COL8A2: variants seen among roughly 807,000 people sequenced by gnomAD.
The protein encoded by COL8A2 is collagen alpha-2(VIII) chain.
COL8A2 carries 16 observed loss-of-function variants against 24.0 expected under a neutral mutation model. The observed-to-expected ratio is 0.67, with a 90% CI of 0.45 to 1.01. The LOEUF (loss-of-function observed/expected upper bound fraction) is 1.01. COL8A2 is among the 50% of genes least tolerant of loss of function. The probability of loss-of-function intolerance (pLI) is 0.00; values close to 1 mark genes in which losing one functional copy is unlikely to be tolerated. For missense variants in COL8A2, 818 were observed against 942.4 expected, an observed-to-expected ratio of 0.87 and a Z score of 1.73; for synonymous variants, 466 against 424.5, an observed-to-expected ratio of 1.10 and a Z score of -1.20.
chr1:36,101,957 T>C (rs1643684079), intron 2 of COL8A2, among the ~76,000 whole-genome samples: 1 of 151,834 alleles, frequency 6.6e-6, no homozygotes, highest in African/African-American at 2.4e-5. Flanking sequence ...GGTGGGTGAA[T>C]TGTCTGAGCC....
chr1:36,098,352 G>A lies in COL8A2; in HGVS notation c.1329C>T (p.Ala443=). Residue 443 remains alanine, a synonymous_variant, in exon 4 of 4, where the codon GCC becomes GCT. Transcript: ENST00000397799. ...GCCCCAAGTCACCTTTCTGCCCCAG[G>A]GCTCCTGCCACCCCTGGTCCTCCAG... ...GRPGGPGVAG[A]LGQKGDLGLP... The A allele has an allele frequency of 6.4e-7, 1 of 1,551,362 alleles. No individual in the cohort carries two copies. The highest frequency in any genetic ancestry group is 1.2e-5 in the South Asian group (1 of 84,208).
chr1:36,111,704 C>A (rs1272822311), intron 2 of COL8A2, among the ~76,000 whole-genome samples: 2 of 152,134 alleles, frequency 1.3e-5, no homozygotes, highest in Non-Finnish European at 2.9e-5. Context: ...GTGTAAGCCA[C>A]CACGCTGGAC....
In COL8A2 at chr1:36,125,099, C is replaced by A. The variant is rs1169854603; in HGVS notation, c.-104G>T. ...GGGCGCCGCTCCCGGCCCTCGAGGG[C>A]GGCCCGGGCGGCGAGGGCTCCGGGC... On this transcript the variant is annotated 5_prime_UTR_variant, in exon 1 of 4. Coordinates refer to ENST00000397799, the MANE Select transcript of COL8A2 (RefSeq NM_005202.4). The surrounding 1 kb of genome is among the most constrained non-coding windows in gnomAD (Gnocchi z 4.5). The A allele has an allele frequency of 3.1e-6, 3 of 974,688 alleles. No individual in the cohort carries two copies. Among genetic ancestry groups the A allele is most frequent in the African/African-American group, 3.5e-5 (2 of 56,576 alleles). 60.4% of individuals were successfully genotyped at this position (974,688 alleles called of 1,614,324 possible).
chr1:36,099,385 T>C lies in COL8A2; in HGVS notation c.296A>G (p.Lys99Arg), dbSNP rs1370177080. 6.4e-7 allele frequency: 1 copy of C among 1,560,810 alleles called. No homozygotes were observed. The highest frequency in any genetic ancestry group is 2.3e-5 in the East Asian group (1 of 42,916). Reference protein sequence around the residue: ...GPPGPPGFPGKPGMGKPGLHG... With the variant: ...GPPGPPGFPGRPGMGKPGLHG... ...GAGTCCTGGCTTTCCCATGCCTGGT[T>C]TTCCTGGGAAGCCAGGGGGGCCAGG... The change falls in exon 4 of 4, where the codon AAA becomes AGA. Residue 99 changes from lysine to arginine, a missense_variant. Physicochemically the swap from Lys to Arg is conservative, Grantham distance 26. This residue lies in a region of COL8A2 where 573 missense variants were observed against 616.8 expected (regional missense o/e 0.93). Coordinates refer to ENST00000397799, the MANE Select transcript of COL8A2 (RefSeq NM_005202.4).
intron 2 of COL8A2, among the ~76,000 whole-genome samples, chr1:36,107,961 G>A (rs564138316): frequency 4.6e-5 from 7 of 151,998 alleles, no homozygotes; most frequent in South Asian, 2.1e-4. Context: ...GTTTCCCCCC[G>A]TAGCTCTCCA....
In COL8A2 at chr1:36,098,058, G is replaced by A. The variant is rs371983864; in HGVS notation, c.1623C>T (p.Ile541=). 8.5e-5 allele frequency: 134 copies of A among 1,581,196 alleles called. No homozygotes were observed. The highest frequency in any genetic ancestry group is 1.1e-4 in the Non-Finnish European group (129 of 1,167,768). ...GAPGAFDETG[I]AGLHLPNGGV... ...CGCCGTTGGGCAGGTGCAAGCCTGC[G>A]ATGCCAGTCTCATCGAAGGCCCCAG... Residue 541 remains isoleucine, a synonymous_variant, in exon 4 of 4, where the codon ATC becomes ATT. Transcript: ENST00000397799.
chr1:36,105,657 G>A (rs375380694), intron 2 of COL8A2, among the ~76,000 whole-genome samples: 1 of 152,186 alleles, frequency 6.6e-6, no homozygotes, highest in East Asian at 1.9e-4. Flanking sequence ...TTTTAGAGAT[G>A]AGGAAACTGG....
In COL8A2 at chr1:36,100,269, G is replaced by T; in HGVS notation, c.-16-11C>A. 1 of 1,540,286 alleles carries T rather than the reference G, an allele frequency of 6.5e-7. No individual in the cohort carries two copies. The highest frequency in any genetic ancestry group is 8.7e-7 in the Non-Finnish European group (1 of 1,147,262). The stretch of plus-strand genomic sequence containing the variant: ...GCGTCCGTGGACGTGCTGCAAAGAA[G>T]AACAGAGAAAGTCATCAAGCCAGCC... On this transcript the variant is annotated splice_polypyrimidine_tract_variant and intron_variant, in intron 2 of 3. Transcript: ENST00000397799.
chr1:36,114,722 A>C (rs555630230), intron 2 of COL8A2, among the ~76,000 whole-genome samples: 5 of 151,780 alleles, frequency 3.3e-5, no homozygotes, highest in Admixed American at 3.3e-4. Flanking sequence ...GGCACAGGGC[A>C]TGTGCTCGAT....
In COL8A2 at chr1:36,113,478, A is replaced by G. The variant is rs137925079; in HGVS notation, c.-17+2230T>C. 1.9e-3 allele frequency among the ~76,000 whole-genome samples: 292 copies of G among 152,330 alleles called. 3 individuals are homozygous for G. The highest frequency in any genetic ancestry group is 6.7e-3 in the African/African-American group (277 of 41,574). On this transcript the variant is annotated intron_variant, in intron 2 of 3. Transcript: ENST00000397799. ...GTCCACACCTGCTCCTGTTAACGTC[A>G]GGTCTGGGTCTGACTTCCCTGGACA...
Position 36,097,908 on chromosome 1 carries a change from G to A in COL8A2, c.1773C>T (p.Pro591=), listed in dbSNP as rs772560697. The change falls in exon 4 of 4, where the codon CCC becomes CCT. Residue 591 remains proline (P), a synonymous_variant. Transcript: ENST00000397799. ...LTSPFPASGM[P]VKFDRTLYNG... is the part of the protein sequence containing the mutation. ...TGTAGAGAGTCCGGTCAAATTTCACGGGCATGCCCGAGGCGGGGAAGGGCG... is the reference window on the plus strand; with the variant it reads ...TGTAGAGAGTCCGGTCAAATTTCACAGGCATGCCCGAGGCGGGGAAGGGCG... The A allele has an allele frequency of 8.1e-6, 13 of 1,611,990 alleles. No individual in the cohort carries two copies. The highest frequency in any genetic ancestry group is 6.7e-5 in the Admixed American group (4 of 60,000).
intron 1 of COL8A2, among the ~76,000 whole-genome samples, chr1:36,118,168 C>A (rs1419944023): frequency 1.3e-5 from 2 of 152,180 alleles, no homozygotes; most frequent in African/African-American, 4.8e-5. Context: ...AACTGCTGTC[C>A]CATTTTACTG....
intron 2 of COL8A2, among the ~76,000 whole-genome samples, chr1:36,109,317 C>T (rs1184088744): frequency 1.3e-5 from 2 of 152,194 alleles, no homozygotes; most frequent in Admixed American, 6.5e-5. Flanking sequence ...CTACTCCTGA[C>T]TCCTCTCTCC....
intron 2 of COL8A2, among the ~76,000 whole-genome samples, chr1:36,113,382 TG>T (rs1643864155): frequency 6.6e-6 from 1 of 152,236 alleles, no homozygotes; most frequent in Non-Finnish European, 1.5e-5. Flanking sequence ...GGTCACTTTC[TG>T]GGTTCCAGGC....
chr1:36,097,794 C>T lies in COL8A2; in HGVS notation c.1887G>A (p.Lys629=), dbSNP rs1479554067. 6.8e-6 allele frequency: 11 copies of T among 1,613,774 alleles called. No individual in the cohort carries two copies. Among genetic ancestry groups the T allele is most frequent in the Non-Finnish European group, 8.5e-6 (10 of 1,180,010 alleles). ...VYYFAYHVHV[K]GTNVWVALYK... ...ACAGGGCCACCCACACGTTGGTGCCCTTGACGTGCACATGGTAAGCAAAGT... is the reference window on the plus strand; with the variant it reads ...ACAGGGCCACCCACACGTTGGTGCCTTTGACGTGCACATGGTAAGCAAAGT... The change falls in exon 4 of 4, where the codon AAG becomes AAA. Residue 629 remains lysine, a synonymous_variant. Transcript: ENST00000397799.
chr1:36,121,662 G>A (rs568923990), intron 1 of COL8A2, among the ~76,000 whole-genome samples: 25 of 148,160 alleles, frequency 1.7e-4, no homozygotes, highest in Middle Eastern at 3.6e-3. Flanking sequence ...AGCCAAGATC[G>A]TGCCACTGCA....
intron 2 of COL8A2, among the ~76,000 whole-genome samples, chr1:36,112,318 G>C (rs1570048494): frequency 6.6e-6 from 1 of 152,012 alleles, no homozygotes; most frequent in Non-Finnish European, 1.5e-5. Context: ...TTGTTTTAAG[G>C]GTGAACATCA....
At chr1:36,105,175 C>A (rs536168613) in intron 2 of COL8A2, among the ~76,000 whole-genome samples, 12 of 152,264 alleles carry the variant, frequency 7.9e-5, no homozygotes, top group African/African-American at 2.9e-4. Flanking sequence ...TAATGCAGGG[C>A]TCCAGAGAAG....
intron 2 of COL8A2, among the ~76,000 whole-genome samples, chr1:36,103,697 C>G (rs1222099944): frequency 4.6e-5 from 7 of 151,982 alleles, no homozygotes; most frequent in Non-Finnish European, 8.8e-5. Context: ...TATTCTCCTG[C>G]CTCAGCCTCC....
Sources: allele counts gnomAD v4.1 joint callset (sites outside exome capture counted in the v4.1 genomes callset), GRCh38; gene constraint gnomAD v4.1.1; regional missense constraint gnomAD v4.1.1; non-coding constraint Gnocchi (gnomAD v3.1); transcripts MANE v1.5; gene names NCBI Gene and HGNC (gene_info 2026-07-23, HGNC 2026-07-21).